The following GALNT17 variants were observed in gnomAD, a reference collection of about 807,000 sequenced individuals.
The protein encoded by GALNT17 is UDP-GalNAc:polypeptide N-acetylgalactosaminyltransferase-like 3.
Under a neutral mutation model 63.7 loss-of-function variants are expected in GALNT17, and 29 were observed. The ratio of observed to expected loss-of-function variants is 0.46; its 90% CI spans 0.34 to 0.62. GALNT17 has a LOEUF of 0.62. Ranked by LOEUF, GALNT17 falls within the 20% of genes least tolerant of loss-of-function variation. The pLI, the probability that GALNT17 is intolerant of heterozygous loss-of-function variation, is 0.01. For missense variants in GALNT17, 603 were observed against 799.6 expected, an observed-to-expected ratio of 0.75 and a Z score of 2.97; for synonymous variants, 305 against 318.3, an observed-to-expected ratio of 0.96 and a Z score of 0.45.
intron 5 of GALNT17, among the ~76,000 whole-genome samples, chr7:71,469,778 T>C (rs1482792194): frequency 2.0e-5 from 3 of 152,236 alleles, no homozygotes; most frequent in African/African-American, 4.8e-5. Context: ...CTTAATTGAA[T>C]AGGATTTAGT....
chr7:71,443,750 G>A (rs1047491291), intron 5 of GALNT17, among the ~76,000 whole-genome samples: 4 of 150,012 alleles, frequency 2.7e-5, no homozygotes, highest in Admixed American at 2.0e-4. Flanking sequence ...TTGAGATAGA[G>A]TTTCGCTCTT....
At chr7:71,233,093 C>G (rs1243432738) in intron 1 of GALNT17, among the ~76,000 whole-genome samples, 1 of 152,166 alleles carries the variant, frequency 6.6e-6, no homozygotes, top group Admixed American at 6.5e-5. Context: ...CTTCACCAAC[C>G]CGGAAGAAAG....
chr7:71,142,477 A>G (rs1463363997), intron 1 of GALNT17, among the ~76,000 whole-genome samples: 1 of 152,232 alleles, frequency 6.6e-6, no homozygotes, highest in Non-Finnish European at 1.5e-5. Context: ...GACAAACCCA[A>G]TTACAGAACA....
intron 2 of GALNT17, among the ~76,000 whole-genome samples, chr7:71,344,842 A>G (rs915357728): frequency 5.9e-5 from 9 of 152,210 alleles, no homozygotes; most frequent in Admixed American, 5.2e-4. Flanking sequence ...AGAGAGAATT[A>G]GTAAAATGAG....
chr7:71,218,845 A>G (rs1321656772), intron 1 of GALNT17, among the ~76,000 whole-genome samples: 1 of 151,910 alleles, frequency 6.6e-6, no homozygotes, highest in Non-Finnish European at 1.5e-5. Flanking sequence ...CAGATGGGAG[A>G]CAGTGACATC....
intron 6 of GALNT17, among the ~76,000 whole-genome samples, chr7:71,656,087 A>C (rs1041844473): frequency 2.0e-5 from 3 of 152,164 alleles, no homozygotes; most frequent in African/African-American, 7.2e-5. Flanking sequence ...ATTGATTAAG[A>C]ACTCAGAACT....
At chr7:71,694,594 C>T (rs1791512557) in intron 9 of GALNT17, among the ~76,000 whole-genome samples, 3 of 152,156 alleles carry the variant, frequency 2.0e-5, no homozygotes, top group Admixed American at 6.5e-5. Flanking sequence ...CGGGGTTTCA[C>T]CATGTTGGCC....
intron 2 of GALNT17, among the ~76,000 whole-genome samples, chr7:71,341,856 C>G (rs1792011344): frequency 6.6e-6 from 1 of 152,152 alleles, no homozygotes; most frequent in Non-Finnish European, 1.5e-5. Context: ...GGGTAACATT[C>G]TAGGGTGACA....
At chr7:71,197,870 T>C (rs2116356888) in intron 1 of GALNT17, among the ~76,000 whole-genome samples, 1 of 152,202 alleles carries the variant, frequency 6.6e-6, no homozygotes, top group African/African-American at 2.4e-5. Context: ...TTATGTTGCT[T>C]TCAAATTTCT....
At chr7:71,182,218 T>C (rs953881276) in intron 1 of GALNT17, among the ~76,000 whole-genome samples, 1 of 152,140 alleles carries the variant, frequency 6.6e-6, no homozygotes, top group Non-Finnish European at 1.5e-5. Context: ...AGTTGGCACT[T>C]TGTGGGTGCT....
chr7:71,440,620 C>G (rs1351095170), intron 5 of GALNT17, among the ~76,000 whole-genome samples: 1 of 152,070 alleles, frequency 6.6e-6, no homozygotes, highest in Non-Finnish European at 1.5e-5. Context: ...GTAATCTGCC[C>G]ACCTCGGCCT....
intron 4 of GALNT17, among the ~76,000 whole-genome samples, chr7:71,420,246 C>A (rs1583936667): frequency 1.3e-5 from 2 of 152,188 alleles, no homozygotes; most frequent in African/African-American, 4.8e-5. Context: ...CCTGCTGCAG[C>A]CTCGAGCTGG....
At chr7:71,495,281 AAAAAG>A (rs1473888541) in intron 5 of GALNT17, among the ~76,000 whole-genome samples, 29 of 152,200 alleles carry the variant, frequency 1.9e-4, no homozygotes, top group Admixed American at 9.2e-4. Context: ...ATCTCAAAAA[AAAAAG>A]AAAAGAAAAG....
At chr7:71,595,703 A>C (rs1046564882) in intron 6 of GALNT17, among the ~76,000 whole-genome samples, 1 of 136,352 alleles carries the variant, frequency 7.3e-6, no homozygotes, top group Non-Finnish European at 1.6e-5. Context: ...ACACACACAC[A>C]CCATATTGCC....
intron 6 of GALNT17, among the ~76,000 whole-genome samples, chr7:71,589,006 G>A (rs758117508): frequency 6.6e-6 from 1 of 152,120 alleles, no homozygotes; most frequent in African/African-American, 2.4e-5. Flanking sequence ...CCCTTAAAAA[G>A]CTAAACGTGG....
intron 5 of GALNT17, among the ~76,000 whole-genome samples, chr7:71,552,233 C>T (rs1019386908): frequency 3.3e-5 from 5 of 151,880 alleles, no homozygotes; most frequent in East Asian, 1.9e-4. Context: ...TTAGTAGAGA[C>T]GGGGTTTGGC....
chr7:71,682,756 T>G (rs1386771547), intron 9 of GALNT17, among the ~76,000 whole-genome samples: 1 of 152,090 alleles, frequency 6.6e-6, no homozygotes, highest in Non-Finnish European at 1.5e-5. Context: ...CTCCCTATGC[T>G]TCCCAGGCTG....
intron 5 of GALNT17, among the ~76,000 whole-genome samples, chr7:71,426,956 A>G (rs371186938): frequency 6.6e-6 from 1 of 152,176 alleles, no homozygotes; most frequent in East Asian, 1.9e-4. Flanking sequence ...AGTTAGAAAG[A>G]CAAGCGTGTT....
chr7:71,392,118 A>G (rs148063260), intron 3 of GALNT17, among the ~76,000 whole-genome samples: 6 of 152,302 alleles, frequency 3.9e-5, no homozygotes, highest in Admixed American at 1.3e-4. Flanking sequence ...GGAGGGGACA[A>G]ATATTCAAAC....
Sources: allele counts gnomAD v4.1 joint callset (sites outside exome capture counted in the v4.1 genomes callset), GRCh38; gene constraint gnomAD v4.1.1; transcripts MANE v1.5; gene names NCBI Gene and HGNC (gene_info 2026-07-23, HGNC 2026-07-21).